Variants in ABCG5 observed in about 807,000 individuals in gnomAD.
The protein encoded by ABCG5 is ATP binding cassette subfamily G member 5, also known as ATP-binding cassette sub-family G member 5.
Under a neutral mutation model 64.5 loss-of-function variants are expected in ABCG5, and 64 were observed. The observed-to-expected ratio is 0.99, with a 90% CI of 0.81 to 1.22. The LOEUF is 1.22. Among genes scored for constraint, ABCG5 ranks in the 50% most tolerant of loss-of-function variants. The pLI is 0.00. For missense variants in ABCG5, 908 were observed against 829.5 expected (o/e 1.09, Z -1.16); for synonymous variants, 385 against 326.3 (o/e 1.18, Z -1.94).
intron 7 of ABCG5, 97 bp from the exon 8 acceptor site, chr2:43,824,529 C>G: frequency 6.3e-7 from 1 of 1,593,384 alleles, no homozygotes; most frequent in Non-Finnish European, 8.5e-7. Context: ...CATAATACCT[C>G]ATCCCATCAA....
chr2:43,817,910 A>AAAAC (rs377315059), intron 11 of ABCG5, among the ~76,000 whole-genome samples: 17 of 152,044 alleles, frequency 1.1e-4, no homozygotes, highest in African/African-American at 3.1e-4. Flanking sequence ...ATTCCCTCTC[A>AAAAC]AAACAAACAA....
At chr2:43,827,497 G>T (rs1667692189) in intron 5 of ABCG5, among the ~76,000 whole-genome samples, 1 of 152,152 alleles carries the variant, frequency 6.6e-6, no homozygotes. Context: ...TTCCCCAGGT[G>T]ATGGGGAAAA....
chr2:43,821,843 C>G (rs1308461436), intron 10 of ABCG5, among the ~76,000 whole-genome samples: 1 of 151,848 alleles, frequency 6.6e-6, no homozygotes, highest in Admixed American at 6.6e-5. Flanking sequence ...TTCTTGATAT[C>G]TTCATCATCT....
chr2:43,839,030 C>A, upstream of ABCG5: 1 of 1,550,056 alleles, frequency 6.5e-7, no homozygotes, highest in South Asian at 1.2e-5. Flanking sequence ...AGCTGCAGCC[C>A]AGGGTCACAG....
At chr2:43,836,615 C>T (rs1439524854) in intron 2 of ABCG5, among the ~76,000 whole-genome samples, 1 of 152,176 alleles carries the variant, frequency 6.6e-6, no homozygotes, top group Non-Finnish European at 1.5e-5. Flanking sequence ...AGATTCACCA[C>T]AGGGACCCTC....
chr2:43,810,464 A>G (rs911256424), downstream of ABCG5: 1 of 985,306 alleles, frequency 1.0e-6, no homozygotes, highest in African/African-American at 1.7e-5. Flanking sequence ...AAGGTGGGAT[A>G]GCCTTTAAGA....
chr2:43,812,926 A>C lies in ABCG5; in HGVS notation c.*190T>G. ...ACATGTCCCTGCAAGTTGTAAGAGC[A>C]AGGGACTATAAACCACTTCCATTGC... On this transcript the variant is annotated 3_prime_UTR_variant, in exon 13 of 13. Coordinates refer to ENST00000405322, the MANE Select transcript of ABCG5 (RefSeq NM_022436.3). The C allele has an allele frequency of 1.7e-6, 1 of 598,480 alleles. No individual in the cohort carries two copies. Among genetic ancestry groups the C allele is most frequent in the South Asian group, 2.0e-5 (1 of 50,136 alleles). 37.1% of individuals were successfully genotyped at this position (598,480 alleles called of 1,614,324 possible).
At chr2:43,839,045 G>C (rs1254876351), upstream of ABCG5, 2 of 1,550,724 alleles carry the variant, frequency 1.3e-6, no homozygotes, top group Non-Finnish European at 1.7e-6. Flanking sequence ...TCACAGACCT[G>C]TGGGCCCCAT....
chr2:43,808,572 A>G (rs1666357348), downstream of ABCG5, among the ~76,000 whole-genome samples: 1 of 152,204 alleles, frequency 6.6e-6, no homozygotes, highest in Non-Finnish European at 1.5e-5. Flanking sequence ...GGTCCCTTTT[A>G]CATGTCAGTT....
In ABCG5 at chr2:43,823,868, G is replaced by A. The variant is rs76576389; in HGVS notation, c.1324+45C>T. On this transcript the variant is annotated intron_variant, in intron 9 of 12. Coordinates refer to ENST00000405322, the MANE Select transcript of ABCG5 (RefSeq NM_022436.3). ...GTAAGGTTACAGCTGGAGAAGGGAGGTATTTAGGGAGAAAGAGGTGCACCT... is the reference window on the plus strand; with the variant it reads ...GTAAGGTTACAGCTGGAGAAGGGAGATATTTAGGGAGAAAGAGGTGCACCT... The A allele has an allele frequency of 2.7e-4, 432 of 1,596,872 alleles. 3 individuals carry two copies. The East Asian group carries it at 9.0e-3, about 33-fold the overall frequency.
At chr2:43,827,325 C>CAA (rs1174987300) in intron 5 of ABCG5, among the ~76,000 whole-genome samples, 9,225 of 112,030 alleles carry the variant, frequency 0.082, 367 homozygotes, top group African/African-American at 0.096. Context: ...AACTCTGTCT[C>CAA]AAAAAAAAAA....
intron 4 of ABCG5, among the ~76,000 whole-genome samples, chr2:43,830,866 T>C (rs1558761673): frequency 1.3e-5 from 2 of 152,242 alleles, no homozygotes; most frequent in Non-Finnish European, 2.9e-5. Context: ...GATTGGAACC[T>C]AGAAGGAGTT....
chr2:43,822,454 A>G, intron 10 of ABCG5: 1 of 914,604 alleles, frequency 1.1e-6, no homozygotes, highest in Non-Finnish European at 1.3e-6. Context: ...TTTTACATTC[A>G]GGCTGCTTTC....
chr2:43,824,766 G>A, intron 7 of ABCG5, 123 bp downstream of exon 7: 2 of 1,491,870 alleles, frequency 1.3e-6, no homozygotes, highest in South Asian at 2.5e-5. Flanking sequence ...ATTCCTTGAA[G>A]AGTATAAAAC....
chr2:43,823,124 C>CT (rs1667349634), intron 9 of ABCG5, among the ~76,000 whole-genome samples, 189 bp from the exon 10 acceptor site: 1 of 152,208 alleles, frequency 6.6e-6, no homozygotes, highest in African/African-American at 2.4e-5. Context: ...AATCTACACT[C>CT]TACCAGAATT....
At chr2:43,831,899 AG>A (rs1434256747) in intron 3 of ABCG5, 32 bp from the exon 4 acceptor site, 3 of 1,201,520 alleles carry the variant, frequency 2.5e-6, no homozygotes, top group South Asian at 1.3e-5. Context: ...GTGTAGCCTA[AG>A]CCCCCGGGGC....
At chr2:43,807,712 C>A (rs1666315736), downstream of ABCG5, among the ~76,000 whole-genome samples, 1 of 131,958 alleles carries the variant, frequency 7.6e-6, no homozygotes, top group East Asian at 2.1e-4. Context: ...AGCCACTGTG[C>A]CCAGCTTCTT....
At chr2:43,816,806 T>C (rs1274755151) in intron 11 of ABCG5, among the ~76,000 whole-genome samples, 8 of 152,264 alleles carry the variant, frequency 5.3e-5, no homozygotes, top group Admixed American at 5.2e-4. Context: ...TATAAAATTC[T>C]AGCAAGAACT....
downstream of ABCG5, chr2:43,809,589 T>C: frequency 1.4e-6 from 1 of 701,876 alleles, no homozygotes; most frequent in Non-Finnish European, 2.5e-6. Context: ...ATATTTAGAA[T>C]GATAATGCTA....
Sources: gnomAD v4.1 joint callset for allele counts (sites outside exome capture counted in the v4.1 genomes callset) on GRCh38, gnomAD v4.1.1 for gene constraint, MANE v1.5 for transcripts, NCBI Gene and HGNC (gene_info 2026-07-23, HGNC 2026-07-21) for gene names.